GPR158: variants seen among roughly 807,000 people sequenced by gnomAD.
GPR158 encodes the protein G protein-coupled receptor 158.
GPR158 carries 30 observed loss-of-function variants against 78.2 expected under a neutral mutation model. The observed-to-expected ratio is 0.38, with a 90% CI of 0.29 to 0.52. The LOEUF is 0.52. GPR158 is among the 20% of genes least tolerant of loss of function. The pLI, the probability that GPR158 is intolerant of heterozygous loss-of-function variation, is 0.83. For synonymous variants in GPR158, 581 were observed against 591.1 expected, an observed-to-expected ratio of 0.98 and a Z score of 0.25; for missense variants, 1,463 against 1,523.5, an observed-to-expected ratio of 0.96 and a Z score of 0.66.
In GPR158 at chr10:25,486,077, C is replaced by T. The variant is rs12249416; in HGVS notation, c.1404+19358C>T. Among the ~76,000 whole-genome samples the T allele has an allele frequency of 7.9e-3, 1,208 of 152,242 alleles. 18 individuals carry two copies. Among genetic ancestry groups the T allele is most frequent in the African/African-American group, 0.028 (1,165 of 41,548 alleles). ...CTATGGATCCCTTGATCTTCCCAGCCTCCAGGACTCGGAGAAATAAATTTC... is the reference window on the plus strand; with the variant it reads ...CTATGGATCCCTTGATCTTCCCAGCTTCCAGGACTCGGAGAAATAAATTTC... On this transcript the variant is annotated intron_variant, in intron 5 of 10. Coordinates refer to ENST00000376351, the MANE Select transcript of GPR158 (RefSeq NM_020752.3).
intron 5 of GPR158, among the ~76,000 whole-genome samples, chr10:25,535,634 G>C (rs1836488697): frequency 6.6e-6 from 1 of 152,148 alleles, no homozygotes; most frequent in South Asian, 2.1e-4. Flanking sequence ...TAAGAAATGA[G>C]TATTGTTTTA....
At chr10:25,483,901 A>G (rs1324351650) in intron 5 of GPR158, among the ~76,000 whole-genome samples, 1 of 152,156 alleles carries the variant, frequency 6.6e-6, no homozygotes, top group Non-Finnish European at 1.5e-5. Flanking sequence ...CAGCACTTAA[A>G]AAGTTTGTTG....
At chr10:25,486,381 T>A (rs76940448) in intron 5 of GPR158, among the ~76,000 whole-genome samples, 1 of 151,760 alleles carries the variant, frequency 6.6e-6, no homozygotes, top group African/African-American at 2.4e-5. Flanking sequence ...ACTAGCTGTG[T>A]CGTTGGGTTA....
At chr10:25,396,275 G>C (rs1349226792) in intron 3 of GPR158, among the ~76,000 whole-genome samples, 1 of 152,154 alleles carries the variant, frequency 6.6e-6, no homozygotes, top group Non-Finnish European at 1.5e-5. Context: ...TATCTGGTAA[G>C]ACCAATGGGG....
intron 4 of GPR158, among the ~76,000 whole-genome samples, chr10:25,421,461 A>G (rs2130561304): frequency 6.6e-6 from 1 of 152,262 alleles, no homozygotes; most frequent in South Asian, 2.1e-4. Context: ...CATTTCTTGT[A>G]CCTTTAGTCC....
chr10:25,251,426 T>C (rs2130721936), intron 2 of GPR158, among the ~76,000 whole-genome samples: 1 of 152,242 alleles, frequency 6.6e-6, no homozygotes, highest in Admixed American at 6.5e-5. Flanking sequence ...CTTTACATTT[T>C]GGCATGAATT....
intron 2 of GPR158, among the ~76,000 whole-genome samples, chr10:25,375,641 T>C (rs1834067880): frequency 6.6e-6 from 1 of 151,636 alleles, no homozygotes. Context: ...TACCATTTGT[T>C]GAAAAAGTGA....
chr10:25,294,149 A>G (rs1854478584), intron 2 of GPR158, among the ~76,000 whole-genome samples: 1 of 152,236 alleles, frequency 6.6e-6, no homozygotes, highest in African/African-American at 2.4e-5. Context: ...TTGTTATTGT[A>G]TAATCAATCA....
At chr10:25,582,196 A>G (rs1228385987) in intron 7 of GPR158, among the ~76,000 whole-genome samples, 1 of 152,204 alleles carries the variant, frequency 6.6e-6, no homozygotes, top group Non-Finnish European at 1.5e-5. Flanking sequence ...GCCAAACCAT[A>G]TCAGACAGAG....
intron 4 of GPR158, among the ~76,000 whole-genome samples, chr10:25,432,030 G>C (rs1489272260): frequency 6.6e-6 from 1 of 151,268 alleles, no homozygotes. Flanking sequence ...AAATGCAAAG[G>C]GTGGGTTTTA....
intron 2 of GPR158, among the ~76,000 whole-genome samples, chr10:25,295,186 G>A (rs1854494339): frequency 6.6e-6 from 1 of 152,058 alleles, no homozygotes; most frequent in Non-Finnish European, 1.5e-5. Flanking sequence ...TTCTATTATT[G>A]AGTCTATCTC....
chr10:25,231,845 T>G (rs373061387), intron 2 of GPR158, among the ~76,000 whole-genome samples: 5 of 152,328 alleles, frequency 3.3e-5, no homozygotes, highest in Admixed American at 1.3e-4. Context: ...ATATATGTTA[T>G]GGACTCTAAC....
chr10:25,570,256 C>G (rs541266461), intron 6 of GPR158, among the ~76,000 whole-genome samples: 11 of 152,262 alleles, frequency 7.2e-5, no homozygotes, highest in African/African-American at 2.6e-4. Context: ...TCCAATATAA[C>G]TGGACTTCAT....
rs1006902247 is a variant in GPR158, at chr10:25,210,899, C to G, written c.903-10153C>G. 5.3e-5 allele frequency among the ~76,000 whole-genome samples: 8 copies of G among 151,974 alleles called. No homozygotes were observed. The South Asian group carries it at 1.7e-3, about 32-fold the overall frequency. On this transcript the variant is annotated intron_variant, in intron 1 of 10. Coordinates refer to ENST00000376351, the MANE Select transcript of GPR158 (RefSeq NM_020752.3). The stretch of plus-strand genomic sequence containing the variant: ...CTGTAATCCCAGCACTTTGGGAGGC[C>G]GAGGTGGGTGGATCACGAGGTCAGG...
intron 3 of GPR158, among the ~76,000 whole-genome samples, chr10:25,401,938 A>G (rs1205345049): frequency 6.6e-6 from 1 of 152,158 alleles, no homozygotes; most frequent in African/African-American, 2.4e-5. Flanking sequence ...CCTGGCTTTT[A>G]GCAAATTTAG....
intron 2 of GPR158, among the ~76,000 whole-genome samples, chr10:25,376,505 G>A (rs555687080): frequency 4.4e-4 from 66 of 151,556 alleles, no homozygotes; most frequent in African/African-American, 1.6e-3. Flanking sequence ...TCTCTGAGGG[G>A]TATCCTTACT....
chr10:25,360,553 G>A (rs71495443), intron 2 of GPR158, among the ~76,000 whole-genome samples: 21,430 of 152,004 alleles, frequency 0.14, 3,521 homozygotes, highest in African/African-American at 0.41. Flanking sequence ...CAAAGATCAG[G>A]TGGTTGTAGA....
At chr10:25,511,131 A>G (rs374556322) in intron 5 of GPR158, among the ~76,000 whole-genome samples, 2 of 152,312 alleles carry the variant, frequency 1.3e-5, no homozygotes, top group African/African-American at 2.4e-5. Context: ...GCTGTTTACA[A>G]TAGTGGTTGT....
intron 2 of GPR158, among the ~76,000 whole-genome samples, chr10:25,329,399 C>T (rs113049818): frequency 0.042 from 6,385 of 150,646 alleles, 144 homozygotes; most frequent in African/African-American, 0.05. Flanking sequence ...GAGATCGCGC[C>T]ACTGCACTCC....
Sources: allele counts gnomAD v4.1 joint callset (sites outside exome capture counted in the v4.1 genomes callset), GRCh38; gene constraint gnomAD v4.1.1; transcripts MANE v1.5; gene names NCBI Gene and HGNC (gene_info 2026-07-23, HGNC 2026-07-21).